TRRAP: variants seen among roughly 807,000 people sequenced by gnomAD.
TRRAP encodes the protein transformation/transcription domain-associated protein.
A neutral mutation model predicts 438.8 loss-of-function variants in TRRAP; 41 were observed. The observed-to-expected ratio is 0.09, with a 90% CI of 0.07 to 0.12. The LOEUF is 0.12. Ranked by LOEUF, TRRAP falls within the 10% of genes least tolerant of loss-of-function variation. The probability of loss-of-function intolerance (pLI) is 1.00; values close to 1 mark genes in which losing one functional copy is unlikely to be tolerated. For missense variants in TRRAP, 3,122 were observed against 5,055.1 expected, an observed-to-expected ratio of 0.62 and a Z score of 11.60; for synonymous variants, 1,994 against 1,962.9, an observed-to-expected ratio of 1.02 and a Z score of -0.42.
At position 98,878,582 on chromosome 7, in the gene TRRAP, TG is replaced by T. The variant is rs1795267581; in HGVS notation, c.-112del. ...CGAGCGGTTGCGACGAGGGCTCGGC[TG>T]GGGGTCGCCGGGGTCGCGGGCCGGG... On this transcript the variant is annotated 5_prime_UTR_variant, in exon 1 of 73. Coordinates refer to ENST00000456197, the MANE Select transcript of TRRAP (RefSeq NM_001375524.1). 6.7e-6 allele frequency: 1 copy of T among 150,308 alleles called. No homozygotes were observed. The highest frequency in any genetic ancestry group is 6.6e-5 in the Admixed American group (1 of 15,094). 9.3% of individuals were successfully genotyped at this position (150,308 alleles called of 1,614,324 possible). A position where few individuals can be genotyped will look rare whatever the true frequency, so the allele number is the denominator to read the frequency against.
chr7:99,002,259 A>G (rs986657305), intron 67 of TRRAP, among the ~76,000 whole-genome samples: 1 of 152,224 alleles, frequency 6.6e-6, no homozygotes, highest in African/African-American at 2.4e-5. Context: ...AGGTGTGCGC[A>G]TGCATACACA....
At chr7:98,906,629 C>T (rs561227860) in intron 13 of TRRAP, among the ~76,000 whole-genome samples, 8 of 151,952 alleles carry the variant, frequency 5.3e-5, no homozygotes, top group South Asian at 2.1e-4. Context: ...GATGGGGTTT[C>T]GCCATGTTGG....
In TRRAP at chr7:98,959,453, T is replaced by G; in HGVS notation, c.6452T>G (p.Leu2151Arg). 6.2e-7 allele frequency: 1 copy of G among 1,613,992 alleles called. No individual in the cohort carries two copies. The highest frequency in any genetic ancestry group is 8.5e-7 in the Non-Finnish European group (1 of 1,179,978). The change falls in exon 45 of 73, where the codon CTC (leucine) becomes CGC (arginine). Residue 2151 changes from leucine to arginine, a missense_variant. Around this residue, in one of 24 missense-constraint regions of TRRAP, gnomAD observed 992 missense variants for 1,281.2 expected, o/e 0.77. Coordinates refer to ENST00000456197, the MANE Select transcript of TRRAP (RefSeq NM_001375524.1). ...LRPDMWPKSE[L>R]KLQWFDKLLM... is the part of the protein sequence containing the mutation. Reference sequence around the variant, plus strand: ...CCAGACATGTGGCCCAAGTCCGAACTCAAGCTGCAGTGGTTCGACAAGCTG... The same window carrying G: ...CCAGACATGTGGCCCAAGTCCGAACGCAAGCTGCAGTGGTTCGACAAGCTG...
chr7:98,963,878 T>G (rs545750320), intron 47 of TRRAP, among the ~76,000 whole-genome samples: 164 of 151,988 alleles, frequency 1.1e-3, no homozygotes, highest in African/African-American at 3.9e-3. Flanking sequence ...GTCAGGAGTT[T>G]GAGACCAGCC....
chr7:98,975,009 A>G (rs1469161033), intron 53 of TRRAP, among the ~76,000 whole-genome samples: 2 of 152,180 alleles, frequency 1.3e-5, no homozygotes, highest in African/African-American at 4.8e-5. Flanking sequence ...TCAGCAGGTC[A>G]GTGACCTTGC....
chr7:99,011,807 G>A lies in TRRAP; in HGVS notation c.11338-264G>A, dbSNP rs779356787. ...CAAATAAACAGATTGGGCCTCAGTCGCAGCATGGCTGCCTTTGTCATCTAG... is the reference window on the plus strand; with the variant it reads ...CAAATAAACAGATTGGGCCTCAGTCACAGCATGGCTGCCTTTGTCATCTAG... On this transcript the variant is annotated intron_variant, in intron 72 of 72. Transcript: ENST00000456197. This position sits in a 1 kb window ranked among gnomAD's most constrained non-coding sequence, Gnocchi z 7.1. Among the ~76,000 whole-genome samples, 19 of 152,242 alleles carry A rather than the reference G, an allele frequency of 1.2e-4. No homozygotes were observed. The highest frequency in any genetic ancestry group is 2.6e-4 in the Non-Finnish European group (18 of 68,038).
At chr7:98,995,073 G>A (rs1009048927) in intron 67 of TRRAP, among the ~76,000 whole-genome samples, 6 of 152,200 alleles carry the variant, frequency 3.9e-5, no homozygotes, top group Non-Finnish European at 5.9e-5. Context: ...GATCCAAGAC[G>A]GGGTAGAAAA....
At chr7:98,881,649 C>G (rs1356284101) in intron 2 of TRRAP, 7 of 306,562 alleles carry the variant, frequency 2.3e-5, no homozygotes, top group Non-Finnish European at 4.2e-5. Flanking sequence ...TGAGATTAAT[C>G]GTAACAGTAA....
Position 98,956,148 on chromosome 7 carries a change from G to T in TRRAP, c.5940G>T (p.Val1980=). Residue 1980 remains valine, a splice_region_variant and synonymous_variant, in exon 42 of 73, where the codon GTG becomes GTT. Coordinates refer to ENST00000456197, the MANE Select transcript of TRRAP (RefSeq NM_001375524.1). This position sits in a 1 kb window ranked among gnomAD's most constrained non-coding sequence, Gnocchi z 4.5. ...ILHLIVQHFK[V]YYPVRHHLVQ... ...TGATGCTGGCCCTGCGTCCGCAGGTGTACTACCCGGTACGGCACCACTTGG... is the reference window on the plus strand; with the variant it reads ...TGATGCTGGCCCTGCGTCCGCAGGTTTACTACCCGGTACGGCACCACTTGG... 6.2e-7 allele frequency: 1 copy of T among 1,610,998 alleles called. No homozygotes were observed.
At chr7:98,986,752 G>T (rs6946729) in intron 62 of TRRAP, among the ~76,000 whole-genome samples, 3 of 151,768 alleles carry the variant, frequency 2.0e-5, no homozygotes, top group Non-Finnish European at 4.4e-5. Context: ...TACTTTTCAC[G>T]TCTTCTAAGA....
chr7:98,969,197 T>C (rs1375849540), intron 51 of TRRAP, among the ~76,000 whole-genome samples: 2 of 152,224 alleles, frequency 1.3e-5, no homozygotes, highest in East Asian at 3.8e-4. Context: ...ACAATACTCT[T>C]TCCATTGTGC....
chr7:99,010,241 G>C (rs1467731102), intron 70 of TRRAP, among the ~76,000 whole-genome samples: 1 of 152,196 alleles, frequency 6.6e-6, no homozygotes, highest in Non-Finnish European at 1.5e-5. Flanking sequence ...CCTCCAGACT[G>C]TTGTAAGCCT....
chr7:98,896,172 T>A (rs1796191653), intron 7 of TRRAP, among the ~76,000 whole-genome samples: 1 of 152,216 alleles, frequency 6.6e-6, no homozygotes, highest in South Asian at 2.1e-4. Context: ...CGGTTGAGTT[T>A]ACAGGCTCGA....
chr7:98,930,738 C>T lies in TRRAP; in HGVS notation c.3499C>T (p.Leu1167Phe). 6.2e-7 allele frequency: 1 copy of T among 1,614,208 alleles called. No individual in the cohort carries two copies. The highest frequency in any genetic ancestry group is 8.5e-7 in the Non-Finnish European group (1 of 1,180,046). ...KLGGVVSIKF[L>F]MERLPLTWVL... ...GGGGGGTGTGGTGTCTATTAAGTTT[C>T]TCATGGAGCGGCTGCCTCTCACTTG... is the stretch of plus-strand genomic sequence containing the variant. Residue 1167 changes from leucine (L) to phenylalanine (F), a missense_variant, in exon 25 of 73, where the codon CTC becomes TTC. Leu to Phe is a conservative substitution (Grantham distance 22, BLOSUM62 0). This residue lies in a region of TRRAP where 153 missense variants were observed against 223.0 expected (regional missense o/e 0.69). Coordinates refer to ENST00000456197, the MANE Select transcript of TRRAP (RefSeq NM_001375524.1).
At chr7:98,883,081 C>T (rs1269164544) in intron 3 of TRRAP, among the ~76,000 whole-genome samples, 1 of 152,244 alleles carries the variant, frequency 6.6e-6, no homozygotes, top group African/African-American at 2.4e-5. Flanking sequence ...TGACCTTGAT[C>T]AAGCAAGAAC....
intron 46 of TRRAP, 34 bp from the exon 47 acceptor site, chr7:98,962,268 T>A: frequency 6.2e-7 from 1 of 1,613,764 alleles, no homozygotes. Context: ...CCAAGAGCCA[T>A]AACCACAGTG....
chr7:98,904,145 G>C (rs559028329), intron 12 of TRRAP, among the ~76,000 whole-genome samples: 2 of 152,168 alleles, frequency 1.3e-5, no homozygotes, highest in South Asian at 2.1e-4. Flanking sequence ...AAGAATTTTG[G>C]AGGTGTGTTG....
chr7:99,007,776 G>A (rs889311012), intron 69 of TRRAP, among the ~76,000 whole-genome samples: 13 of 151,840 alleles, frequency 8.6e-5, no homozygotes, highest in African/African-American at 2.9e-4. Context: ...AGCCTCCCGA[G>A]TAGCTGGGAC....
rs550082449 is a variant in TRRAP at position 98,900,735 on chromosome 7, T to C, written c.897+15T>C. The C allele has an allele frequency of 6.2e-7, 1 of 1,601,980 alleles. No homozygotes were observed. The highest frequency in any genetic ancestry group is 1.3e-5 in the African/African-American group (1 of 74,622). On this transcript the variant is annotated intron_variant, in intron 11 of 72. Transcript: ENST00000456197. ...GGATTTACCAGGTAAGGTCATTGACTTTTATGTCAGGTTTATTGAGATAGT... is the reference window on the plus strand; with the variant it reads ...GGATTTACCAGGTAAGGTCATTGACCTTTATGTCAGGTTTATTGAGATAGT...
Sources: allele counts gnomAD v4.1 joint callset (sites outside exome capture counted in the v4.1 genomes callset), GRCh38; gene constraint gnomAD v4.1.1; regional missense constraint gnomAD v4.1.1; non-coding constraint Gnocchi (gnomAD v3.1); transcripts MANE v1.5; gene names NCBI Gene and HGNC (gene_info 2026-07-23, HGNC 2026-07-21).